Variants in BUB1B observed in about 807,000 individuals in gnomAD.
BUB1B encodes mitotic checkpoint serine/threonine-protein kinase BUB1 beta.
BUB1B carries 86 observed loss-of-function variants against 137.7 expected under a neutral mutation model. That is an observed-to-expected ratio of 0.62 (90% CI 0.52 to 0.75). BUB1B has a LOEUF of 0.75. BUB1B is among the 30% of genes least tolerant of loss of function. BUB1B has a pLI of 0.00. For missense variants in BUB1B, 1,130 were observed against 1,236.9 expected (o/e 0.91, Z 1.30); for synonymous variants, 420 against 417.9 (o/e 1.00, Z -0.06).
chr15:40,194,009 G>GCC (rs1199922746), intron 8 of BUB1B, among the ~76,000 whole-genome samples: 3 of 151,800 alleles, frequency 2.0e-5, no homozygotes, highest in African/African-American at 7.3e-5. Flanking sequence ...AGGCCACTGT[G>GCC]TCCAACTTCC....
intron 22 of BUB1B, among the ~76,000 whole-genome samples, chr15:40,219,404 T>C (rs1258711804): frequency 6.6e-6 from 1 of 152,006 alleles, no homozygotes; most frequent in Non-Finnish European, 1.5e-5. Context: ...AGAACCTTAG[T>C]ACTCCCTCAA....
In BUB1B at chr15:40,171,615, C is replaced by G. The variant is rs113409773; in HGVS notation, c.384+934C>G. On this transcript the variant is annotated intron_variant, in intron 4 of 22. Coordinates refer to ENST00000287598, the MANE Select transcript of BUB1B (RefSeq NM_001211.6). ...TGTACTGGAGGAGGAGGTGCAGGAG[C>G]TAACATTTGGCAGCAGTGTGGTTGT... Among the ~76,000 whole-genome samples the G allele has an allele frequency of 1.3e-3, 192 of 152,278 alleles. 1 individual carries two copies. Among genetic ancestry groups the G allele is most frequent in the Non-Finnish European group, 1.4e-3 (92 of 68,016 alleles).
intron 20 of BUB1B, among the ~76,000 whole-genome samples, chr15:40,214,472 G>T (rs1232151676): frequency 6.6e-6 from 1 of 152,170 alleles, no homozygotes; most frequent in Non-Finnish European, 1.5e-5. Flanking sequence ...GTTTAAAGAT[G>T]CTGTGTCTGC....
rs867444045 is a variant in BUB1B at position 40,183,862 on chromosome 15, C to T, written c.730C>T (p.Arg244Cys). ...GKKTARAPII[R>C]VGGALKAPSQ... ...AAAGACAGCAAGAGCTCCAATCATC[C>T]GTGTAGGAGGTGCTCTCAAGGGTAA... Residue 244 changes from arginine (R) to cysteine (C), a missense_variant, in exon 6 of 23, where the codon CGT (arginine) becomes TGT (cysteine). Arg to Cys is a radical substitution (Grantham distance 180). Coordinates refer to ENST00000287598, the MANE Select transcript of BUB1B (RefSeq NM_001211.6). 7.4e-6 allele frequency: 12 copies of T among 1,613,928 alleles called. No homozygotes were observed. Among genetic ancestry groups the T allele is most frequent in the African/African-American group, 6.7e-5 (5 of 74,916 alleles).
chr15:40,191,631 T>G (rs1595523509), intron 8 of BUB1B, among the ~76,000 whole-genome samples: 1 of 152,348 alleles, frequency 6.6e-6, no homozygotes, highest in Non-Finnish European at 1.5e-5. Flanking sequence ...CTGTGATCCA[T>G]TCTTAGCTAA....
chr15:40,174,376 T>C (rs1204053369), intron 4 of BUB1B, among the ~76,000 whole-genome samples: 1 of 152,256 alleles, frequency 6.6e-6, no homozygotes. Context: ...TTATTTTTGT[T>C]AAAGATATAA....
chr15:40,169,970 C>A, intron 2 of BUB1B, 92 bp from the exon 3 acceptor site: 1 of 1,053,620 alleles, frequency 9.5e-7, no homozygotes, highest in Non-Finnish European at 1.5e-6. Flanking sequence ...ATCAATATTA[C>A]CTACTTATTA....
In BUB1B at chr15:40,184,569, G is replaced by C. The variant is rs1325372311; in HGVS notation, c.752-596G>C. Among the ~76,000 whole-genome samples, 4 of 152,128 alleles carry C rather than the reference G, an allele frequency of 2.6e-5. No homozygotes were observed. The East Asian group carries it at 7.7e-4, about 29-fold the overall frequency. On this transcript the variant is annotated intron_variant, in intron 6 of 22. Transcript: ENST00000287598. ...TTATTTACTAAATTTATAGCAGTTA[G>C]ACATGTAAACCAGGCTGTTTTTTTA...
At chr15:40,199,465 C>T (rs2037537125) in intron 9 of BUB1B, 150 bp from the exon 10 acceptor site, 3 of 669,868 alleles carry the variant, frequency 4.5e-6, no homozygotes, top group Non-Finnish European at 5.5e-6. Context: ...AGAATAGAGG[C>T]CTAGACCACA....
Position 40,200,357 on chromosome 15 carries a change from C to T in BUB1B, c.1515C>T (p.Ala505=), listed in dbSNP as rs56109940. ...CTGTTTGTCAAGTAAACTGTTGTGC[C>T]AGGTAAGACTACATAGGTGGAAGGG... ...SSSVCQVNCC[A]RETSLAENIW... The change falls in exon 11 of 23, where the codon GCC becomes GCT. Residue 505 remains alanine (A), a splice_region_variant and synonymous_variant. Transcript: ENST00000287598. The T allele has an allele frequency of 7.4e-6, 12 of 1,611,056 alleles. No individual in the cohort carries two copies. In the East Asian group the frequency reaches 2.2e-4, roughly 30 times the overall value.
chr15:40,209,411 G>C (rs193245761), intron 16 of BUB1B, among the ~76,000 whole-genome samples: 21 of 152,334 alleles, frequency 1.4e-4, no homozygotes, highest in Non-Finnish European at 2.4e-4. Context: ...GCAACAGAGC[G>C]AGACTCCGTC....
chr15:40,196,377 G>A (rs1317884832), intron 8 of BUB1B, among the ~76,000 whole-genome samples, 168 bp from the exon 9 acceptor site: 3 of 152,026 alleles, frequency 2.0e-5, no homozygotes, highest in Non-Finnish European at 4.4e-5. Context: ...ATGCTGTTTT[G>A]GTGACTATGG....
chr15:40,162,636 C>T (rs2037053933), intron 1 of BUB1B, among the ~76,000 whole-genome samples: 1 of 152,110 alleles, frequency 6.6e-6, no homozygotes, highest in African/African-American at 2.4e-5. Context: ...ATGAGAAGGG[C>T]ATCAAAGTTG....
rs2140881461 is a variant in BUB1B, at chr15:40,170,100, A to G, written c.218A>G (p.Asp73Gly). ...EYEIRFYTGN[D>G]PLDVWDRYIS... The stretch of plus-strand genomic sequence containing the variant: ...GAAATTCGATTTTACACTGGAAATG[A>G]CCCTCTGGATGTTTGGGATAGGTGG... Residue 73 changes from aspartate to glycine, a missense_variant, in exon 3 of 23, where the codon GAC (aspartate) becomes GGC (glycine). Coordinates refer to ENST00000287598, the MANE Select transcript of BUB1B (RefSeq NM_001211.6). The G allele has an allele frequency of 6.2e-7, 1 of 1,613,936 alleles. No individual in the cohort carries two copies.
intron 12 of BUB1B, 52 bp from the exon 13 acceptor site, chr15:40,202,353 G>GAATTC: frequency 7.1e-7 from 1 of 1,407,954 alleles, no homozygotes. Flanking sequence ...TGGTTGTCTT[G>GAATTC]AAGAGTAAAG....
intron 18 of BUB1B, among the ~76,000 whole-genome samples, chr15:40,212,222 A>G (rs776829676): frequency 1.3e-5 from 2 of 152,224 alleles, no homozygotes; most frequent in Admixed American, 6.5e-5. Flanking sequence ...TGCCAGTTAT[A>G]TAGTATAGGA....
At position 40,209,616 on chromosome 15, in the gene BUB1B, C is replaced by A; in HGVS notation, c.2144-19C>A. The A allele has an allele frequency of 6.2e-7, 1 of 1,613,804 alleles. No individual in the cohort carries two copies. The highest frequency in any genetic ancestry group is 1.3e-5 in the African/African-American group (1 of 74,968). ...GGTTTTTTTGGTGATATATTTTCAC[C>A]TTTCCCTCCCACTGGCAGAAAACCC... On this transcript the variant is annotated intron_variant, in intron 16 of 22. Transcript: ENST00000287598.
At chr15:40,164,096 G>A (rs2037068095) in intron 1 of BUB1B, among the ~76,000 whole-genome samples, 1 of 152,166 alleles carries the variant, frequency 6.6e-6, no homozygotes, top group South Asian at 2.1e-4. Context: ...CTAGAATTGG[G>A]TGTGAGGATG....
rs541003315 is a variant in BUB1B at position 40,171,500 on chromosome 15, T to A, written c.384+819T>A. 2.6e-5 allele frequency among the ~76,000 whole-genome samples: 4 copies of A among 152,188 alleles called. No individual in the cohort carries two copies. The East Asian group carries it at 7.7e-4, about 29-fold the overall frequency. ...ACGTCCAGACTACAGTGAGCTGAGA[T>A]TGCACCACTGTCCGCCAGCCCAAGT... On this transcript the variant is annotated intron_variant, in intron 4 of 22. Transcript: ENST00000287598.
Sources: gnomAD v4.1 joint callset for allele counts (sites outside exome capture counted in the v4.1 genomes callset) on GRCh38, gnomAD v4.1.1 for gene constraint, MANE v1.5 for transcripts, NCBI Gene and HGNC (gene_info 2026-07-23, HGNC 2026-07-21) for gene names.